The following ROCK1 variants were observed in gnomAD, a reference collection of about 807,000 sequenced individuals.
ROCK1 encodes Rho associated coiled-coil containing protein kinase 1, also known as rho-associated protein kinase 1.
Under a neutral mutation model 196.8 loss-of-function variants are expected in ROCK1, and 36 were observed. The ratio of observed to expected loss-of-function variants is 0.18; its 90% CI spans 0.14 to 0.24. The LOEUF (loss-of-function observed/expected upper bound fraction) is 0.24. ROCK1 is among the 10% of genes least tolerant of loss of function. ROCK1 has a pLI of 1.00. For synonymous variants in ROCK1, 443 were observed against 515.9 expected, an observed-to-expected ratio of 0.86 and a Z score of 1.91; for missense variants, 920 against 1,562.0, an observed-to-expected ratio of 0.59 and a Z score of 6.93.
chr18:21,080,618 T>C (rs2036475167), intron 1 of ROCK1, among the ~76,000 whole-genome samples: 1 of 151,874 alleles, frequency 6.6e-6, no homozygotes, highest in South Asian at 2.1e-4. Context: ...TCACTTCAAG[T>C]CCAAAGACAA....
At chr18:20,985,466 C>T (rs2035569973) in intron 19 of ROCK1, among the ~76,000 whole-genome samples, 1 of 152,182 alleles carries the variant, frequency 6.6e-6, no homozygotes, top group Admixed American at 6.5e-5. Flanking sequence ...TCTCAAATGT[C>T]ATACTCTTAG....
Position 21,102,021 on chromosome 18 carries a change from G to A in ROCK1, c.93+8797C>T, listed in dbSNP as rs564343811. Among the ~76,000 whole-genome samples, 12 of 152,128 alleles carry A rather than the reference G, an allele frequency of 7.9e-5. 1 individual carries two copies. The East Asian group carries it at 2.1e-3, about 27-fold the overall frequency. ...GAAAACTGCAAAATCTGAGTAACAG[G>A]AGTTCACTATCCTATTTTCCCTACT... On this transcript the variant is annotated intron_variant, in intron 1 of 32. Coordinates refer to ENST00000399799, the MANE Select transcript of ROCK1 (RefSeq NM_005406.3).
chr18:20,964,131 T>TA (rs970003796), intron 27 of ROCK1, among the ~76,000 whole-genome samples: 14 of 150,970 alleles, frequency 9.3e-5, no homozygotes, highest in African/African-American at 2.2e-4. Flanking sequence ...TCCAACTACT[T>TA]AAAAAAAAAC....
Position 21,047,913 on chromosome 18 carries a change from C to A in ROCK1, c.414+1179G>T, listed in dbSNP as rs2036174796. Reference sequence around the variant, plus strand: ...TTCATTATATATTATAAATAAATCACAAAAACATGTTAGAAAATTAGAAAT... The same window carrying A: ...TTCATTATATATTATAAATAAATCAAAAAAACATGTTAGAAAATTAGAAAT... On this transcript the variant is annotated intron_variant, in intron 4 of 32. Coordinates refer to ENST00000399799, the MANE Select transcript of ROCK1 (RefSeq NM_005406.3). Among the ~76,000 whole-genome samples the A allele has an allele frequency of 1.3e-5, 2 of 151,924 alleles. 1 individual carries two copies. The highest frequency in any genetic ancestry group is 4.2e-4 in the South Asian group (2 of 4,814).
At position 21,026,445 on chromosome 18, in the gene ROCK1, G is replaced by GAAAAAA. The variant is rs747563785; in HGVS notation, c.1211+2325_1211+2330dup. On this transcript the variant is annotated intron_variant, in intron 10 of 32. Coordinates refer to ENST00000399799, the MANE Select transcript of ROCK1 (RefSeq NM_005406.3). ...GGCAACAAGAGCAAAACTCTGTCTC[G>GAAAAAA]AAAAAAAAAAAAAAAAAAAAAAAAA... Among the ~76,000 whole-genome samples the GAAAAAA allele has an allele frequency of 9.6e-4, 34 of 35,294 alleles. 1 individual carries two copies. Among genetic ancestry groups the GAAAAAA allele is most frequent in the African/African-American group, 2.6e-3 (24 of 9,312 alleles). The allele number at this position is 35,294 out of a possible 152,430, so 23.2% of individuals were successfully genotyped here.
chr18:21,071,809 T>A (rs2036388052), intron 1 of ROCK1, among the ~76,000 whole-genome samples: 1 of 152,234 alleles, frequency 6.6e-6, no homozygotes, highest in Non-Finnish European at 1.5e-5. Flanking sequence ...TATATTTACA[T>A]GATACCGTTG....
At chr18:21,079,590 G>A (rs1176038654) in intron 1 of ROCK1, among the ~76,000 whole-genome samples, 1 of 152,176 alleles carries the variant, frequency 6.6e-6, no homozygotes, top group African/African-American at 2.4e-5. Context: ...ACATACTGGA[G>A]ATGGTGGTGC....
intron 1 of ROCK1, among the ~76,000 whole-genome samples, chr18:21,081,393 GCT>G (rs1448423784): frequency 6.6e-6 from 1 of 151,938 alleles, no homozygotes; most frequent in East Asian, 1.9e-4. Context: ...AGCTATAAAT[GCT>G]TACATTTTAA....
intron 12 of ROCK1, among the ~76,000 whole-genome samples, chr18:21,019,620 C>T (rs1272878400): frequency 3.3e-5 from 5 of 151,208 alleles, no homozygotes; most frequent in Non-Finnish European, 5.9e-5. Context: ...TGTGAAACCC[C>T]GTCTCTACTA....
chr18:20,997,946 C>T (rs1467109976), intron 16 of ROCK1, among the ~76,000 whole-genome samples: 1 of 151,758 alleles, frequency 6.6e-6, no homozygotes, highest in Non-Finnish European at 1.5e-5. Flanking sequence ...AAGCGATTCT[C>T]CTGCCTCAGC....
At chr18:21,074,971 A>G (rs1411599279) in intron 1 of ROCK1, among the ~76,000 whole-genome samples, 1 of 152,176 alleles carries the variant, frequency 6.6e-6, no homozygotes, top group Non-Finnish European at 1.5e-5. Context: ...TCAGAGAATG[A>G]GGATAGAATG....
intron 29 of ROCK1, among the ~76,000 whole-genome samples, chr18:20,956,672 A>C (rs866184070): frequency 6.6e-6 from 1 of 152,210 alleles, no homozygotes; most frequent in African/African-American, 2.4e-5. Flanking sequence ...CAGACCACAA[A>C]AGGCAGAAAA....
At chr18:21,049,026 T>A (rs2036183334) in intron 4 of ROCK1, 66 bp downstream of exon 4, 1 of 1,366,896 alleles carries the variant, frequency 7.3e-7, no homozygotes, top group Non-Finnish European at 9.6e-7. Flanking sequence ...AAACACAAAC[T>A]AAGCTTCTCA....
At chr18:20,989,346 C>T (rs766882778) in intron 18 of ROCK1, among the ~76,000 whole-genome samples, 1 of 152,098 alleles carries the variant, frequency 6.6e-6, no homozygotes, top group Non-Finnish European at 1.5e-5. Context: ...TGGCCATTAA[C>T]TAGGTTAGTG....
chr18:20,962,820 T>C (rs1311874653), intron 27 of ROCK1, among the ~76,000 whole-genome samples: 2 of 152,172 alleles, frequency 1.3e-5, no homozygotes, highest in African/African-American at 4.8e-5. Flanking sequence ...TTTTTCCATC[T>C]GGTGAATTCC....
At chr18:20,959,132 ATATATATTATATAAAATATATATAT>A (rs2035296583) in intron 29 of ROCK1, among the ~76,000 whole-genome samples, 1 of 52,174 alleles carries the variant, frequency 1.9e-5, no homozygotes, top group South Asian at 3.6e-4. Context: ...TATATATATT[ATATATATTATATAAAATATATATAT>A]TATATATTAT....
chr18:21,038,539 G>A (rs1459401742), intron 9 of ROCK1, among the ~76,000 whole-genome samples: 7 of 152,074 alleles, frequency 4.6e-5, no homozygotes, highest in Admixed American at 4.6e-4. Flanking sequence ...AAACCTACAT[G>A]ATTTATTTCA....
At chr18:21,072,507 T>C (rs536329318) in intron 1 of ROCK1, among the ~76,000 whole-genome samples, 1 of 152,230 alleles carries the variant, frequency 6.6e-6, no homozygotes, top group Admixed American at 6.5e-5. Flanking sequence ...CAACTATAAA[T>C]GAGGCAGGAA....
chr18:21,017,685 G>C (rs927389729), intron 12 of ROCK1, among the ~76,000 whole-genome samples: 3 of 151,868 alleles, frequency 2.0e-5, no homozygotes, highest in Non-Finnish European at 4.4e-5. Context: ...TTAAAGAAAT[G>C]CAAGTGGCCG....
Sources: gnomAD v4.1 joint callset for allele counts (sites outside exome capture counted in the v4.1 genomes callset) on GRCh38, gnomAD v4.1.1 for gene constraint, MANE v1.5 for transcripts, NCBI Gene and HGNC (gene_info 2026-07-23, HGNC 2026-07-21) for gene names.